FAM135B: variants seen among roughly 807,000 people sequenced by gnomAD.
FAM135B encodes protein FAM135B.
Under a neutral mutation model 127.7 loss-of-function variants are expected in FAM135B, and 43 were observed. The ratio of observed to expected loss-of-function variants is 0.34; its 90% confidence interval spans 0.26 to 0.43. The LOEUF is 0.43. Ranked by LOEUF, FAM135B falls within the 20% of genes least tolerant of loss-of-function variation. FAM135B has a pLI of 1.00. For missense variants in FAM135B, 1,558 were observed against 1,725.6 expected (o/e 0.90, Z 1.72); for synonymous variants, 670 against 665.1 (o/e 1.01, Z -0.11).
chr8:138,155,760 T>C (rs1417010498), intron 12 of FAM135B, among the ~76,000 whole-genome samples: 1 of 152,156 alleles, frequency 6.6e-6, no homozygotes, highest in Non-Finnish European at 1.5e-5. Context: ...CCTAAATATA[T>C]ATGCACCCAA....
At chr8:138,306,330 G>T (rs963898969) in intron 3 of FAM135B, among the ~76,000 whole-genome samples, 1 of 151,520 alleles carries the variant, frequency 6.6e-6, no homozygotes, top group Non-Finnish European at 1.5e-5. Context: ...AGACACTTGG[G>T]AGGCTGAGGC....
chr8:138,312,708 C>T (rs1175655457), intron 2 of FAM135B, among the ~76,000 whole-genome samples: 3 of 152,106 alleles, frequency 2.0e-5, no homozygotes, highest in African/African-American at 7.2e-5. Flanking sequence ...TCTAGACAGC[C>T]GCCATCCCCA....
chr8:138,235,642 T>C (rs1282707871), intron 7 of FAM135B, among the ~76,000 whole-genome samples: 2 of 152,192 alleles, frequency 1.3e-5, no homozygotes, highest in African/African-American at 4.8e-5. Flanking sequence ...GGCAGCTCTG[T>C]GCCTCAGTTT....
rs186205219 is a variant in FAM135B, at chr8:138,324,181, C to T, written c.78-13261G>A. ...CTAGCACTATGTGGCATCCACATTA[C>T]GAGAGATCACATTTAATTCTGATGA... On this transcript the variant is annotated intron_variant, in intron 2 of 19. Transcript: ENST00000395297. Among the ~76,000 whole-genome samples the T allele has an allele frequency of 3.3e-5, 5 of 152,268 alleles. No individual in the cohort carries two copies. The East Asian group carries it at 5.8e-4, about 18-fold the overall frequency.
chr8:138,237,593 G>A (rs775167732), intron 7 of FAM135B, among the ~76,000 whole-genome samples: 1 of 152,154 alleles, frequency 6.6e-6, no homozygotes, highest in Non-Finnish European at 1.5e-5. Context: ...TTCTGTGAAG[G>A]CATCTTTTAG....
intron 3 of FAM135B, among the ~76,000 whole-genome samples, chr8:138,276,075 C>T (rs767076662): frequency 1.3e-5 from 2 of 152,102 alleles, no homozygotes; most frequent in African/African-American, 2.4e-5. Flanking sequence ...TGCAAAAGGC[C>T]AGCACAAAGG....
intron 12 of FAM135B, among the ~76,000 whole-genome samples, chr8:138,153,491 CA>C (rs1262065072): frequency 6.6e-6 from 1 of 152,148 alleles, no homozygotes; most frequent in African/African-American, 2.4e-5. Context: ...GGCGGGGCAT[CA>C]CCTCACCCAG....
intron 16 of FAM135B, among the ~76,000 whole-genome samples, chr8:138,142,332 A>C (rs1178853697): frequency 8.8e-6 from 1 of 113,322 alleles, no homozygotes; most frequent in African/African-American, 3.5e-5. Flanking sequence ...ATGGAGTCTC[A>C]CTCTGTCGCC....
At chr8:138,479,416 G>A (rs112052027) in intron 1 of FAM135B, among the ~76,000 whole-genome samples, 25 of 152,158 alleles carry the variant, frequency 1.6e-4, no homozygotes, top group African/African-American at 5.1e-4. Context: ...CACTCCCCTC[G>A]TCTAGGGGCT....
intron 1 of FAM135B, among the ~76,000 whole-genome samples, chr8:138,402,543 G>T (rs753894407): frequency 2.3e-4 from 35 of 152,152 alleles, no homozygotes; most frequent in Non-Finnish European, 4.1e-4. Flanking sequence ...CTTGCATTCA[G>T]TGATTCCCCT....
In FAM135B at chr8:138,360,528, C is replaced by T. The variant is rs1450050304; in HGVS notation, c.77+7379G>A. 3.9e-5 allele frequency among the ~76,000 whole-genome samples: 6 copies of T among 152,274 alleles called. No homozygotes were observed. In the South Asian group the frequency reaches 6.2e-4, roughly 16 times the overall value. On this transcript the variant is annotated intron_variant, in intron 2 of 19. Transcript: ENST00000395297. ...TGTCCTATTGGGGAAGAGGAGGCTT[C>T]GCAATCTGGTTATGAAAGTAGAAGT...
chr8:138,206,379 A>G (rs1817603115), intron 7 of FAM135B, among the ~76,000 whole-genome samples: 1 of 150,658 alleles, frequency 6.6e-6, no homozygotes. Context: ...CCACAACTCT[A>G]TCATCCCCTC....
chr8:138,445,757 C>T (rs1836114324), intron 1 of FAM135B, among the ~76,000 whole-genome samples: 1 of 152,178 alleles, frequency 6.6e-6, no homozygotes, highest in African/African-American at 2.4e-5. Flanking sequence ...ACAGGGATGC[C>T]CTCTCTCACC....
intron 1 of FAM135B, among the ~76,000 whole-genome samples, chr8:138,374,355 G>C (rs1335559668): frequency 2.0e-5 from 3 of 152,146 alleles, no homozygotes; most frequent in Non-Finnish European, 2.9e-5. Context: ...CTTTTGTAGA[G>C]TATTAAAAAT....
intron 9 of FAM135B, among the ~76,000 whole-genome samples, chr8:138,192,622 C>T (rs1226505089): frequency 6.6e-6 from 1 of 151,716 alleles, no homozygotes; most frequent in Admixed American, 6.6e-5. Flanking sequence ...GTGGCCCTCA[C>T]CCAGGAACAG....
Position 138,178,799 on chromosome 8 carries a change from C to T in FAM135B, c.874-109G>A, listed in dbSNP as rs762395853. 17 of 837,346 alleles carry T rather than the reference C, an allele frequency of 2.0e-5. 1 individual carries two copies. The highest frequency in any genetic ancestry group is 2.8e-5 in the Non-Finnish European group (15 of 528,346). 51.9% of individuals were successfully genotyped at this position (837,346 alleles called of 1,614,324 possible). On this transcript the variant is annotated intron_variant, in intron 9 of 19. Transcript: ENST00000395297. ...TTTCTGTTTTCAATAAAGCACTCTC[C>T]TTTCTCTGTACATCTGTAGTATTAT...
intron 3 of FAM135B, among the ~76,000 whole-genome samples, chr8:138,281,980 A>G (rs2130746117): frequency 6.6e-6 from 1 of 152,244 alleles, no homozygotes; most frequent in East Asian, 1.9e-4. Flanking sequence ...CCAGCTGATT[A>G]TCTTCTTTTC....
intron 12 of FAM135B, among the ~76,000 whole-genome samples, chr8:138,155,592 T>G (rs1818651611): frequency 1.3e-5 from 2 of 151,882 alleles, no homozygotes; most frequent in Admixed American, 6.6e-5. Context: ...AATAAAGGGA[T>G]GGAGGAAGAT....
chr8:138,346,134 T>C (rs1261739047), intron 2 of FAM135B, among the ~76,000 whole-genome samples: 1 of 152,114 alleles, frequency 6.6e-6, no homozygotes, highest in Non-Finnish European at 1.5e-5. Context: ...ATGGTGATTA[T>C]TAAAAAGTCA....
Sources: allele counts gnomAD v4.1 joint callset (sites outside exome capture counted in the v4.1 genomes callset), GRCh38; gene constraint gnomAD v4.1.1; transcripts MANE v1.5; gene names NCBI Gene and HGNC (gene_info 2026-07-23, HGNC 2026-07-21).